The following CDYL variants were observed in gnomAD, a reference collection of about 807,000 sequenced individuals.
CDYL encodes chromodomain Y like, also known as chromodomain Y-like protein.
Under a neutral mutation model 47.3 loss-of-function variants are expected in CDYL, and 8 were observed. That is an observed-to-expected ratio of 0.17 (90% CI 0.10 to 0.31). CDYL has a LOEUF of 0.31. CDYL is among the 10% of genes least tolerant of loss of function. The pLI is 1.00. For synonymous variants in CDYL, 266 were observed against 265.0 expected (o/e 1.00, Z -0.04); for missense variants, 471 against 701.4 (o/e 0.67, Z 3.71).
At chr6:4,935,191 A>C (rs533882381) in intron 2 of CDYL, among the ~76,000 whole-genome samples, 4 of 152,334 alleles carry the variant, frequency 2.6e-5, no homozygotes, top group Non-Finnish European at 5.9e-5. Flanking sequence ...AACCTGGAAT[A>C]GATACTCTCC....
intron 5 of CDYL, among the ~76,000 whole-genome samples, chr6:4,945,701 C>T (rs1436189722): frequency 6.6e-6 from 1 of 152,258 alleles, no homozygotes; most frequent in Non-Finnish European, 1.5e-5. Flanking sequence ...AACGCTGCTG[C>T]CCACCATCAT....
At chr6:4,950,871 G>T (rs751181331) in intron 5 of CDYL, among the ~76,000 whole-genome samples, 4 of 150,654 alleles carry the variant, frequency 2.7e-5, no homozygotes, top group Non-Finnish European at 4.4e-5. Context: ...GGCGGAGCTT[G>T]CAGTGAGCCG....
chr6:4,857,599 G>A (rs555623053), intron 1 of CDYL, among the ~76,000 whole-genome samples: 8 of 152,274 alleles, frequency 5.3e-5, no homozygotes, highest in South Asian at 2.1e-4. Context: ...ATTTGTTGCC[G>A]GTTTGGTGTG....
intron 2 of CDYL, among the ~76,000 whole-genome samples, chr6:4,725,291 C>T (rs1316782679): frequency 6.6e-6 from 1 of 152,264 alleles, no homozygotes; most frequent in Non-Finnish European, 1.5e-5. Flanking sequence ...ACCGAGGGTG[C>T]AGGTGGAGCT....
intron 1 of CDYL, among the ~76,000 whole-genome samples, chr6:4,793,054 G>A (rs767689846): frequency 1.4e-4 from 22 of 152,092 alleles, no homozygotes; most frequent in Non-Finnish European, 2.2e-4. Flanking sequence ...GACTAGCATG[G>A]CTTTATGTAA....
chr6:4,871,755 C>T (rs73717738), intron 1 of CDYL, among the ~76,000 whole-genome samples: 2,078 of 152,272 alleles, frequency 0.014, 37 homozygotes, highest in African/African-American at 0.048. Context: ...AGAAGAAATA[C>T]AAAGGGGCGC....
chr6:4,711,275 CCA>C (rs1332617074), intron 1 of CDYL, among the ~76,000 whole-genome samples: 6 of 152,148 alleles, frequency 3.9e-5, no homozygotes, highest in Admixed American at 3.3e-4. Flanking sequence ...CCCTCTCCTG[CCA>C]CAGAGTAAAG....
rs143761531 is a variant in CDYL at position 4,767,538 on chromosome 6, A to T, written c.186+32694A>T. Reference sequence around the variant, plus strand: ...CAGTGAGCTGAGATTGTGCCACTGCACTCCAGCCTGGGTGACAGAGTAAGA... The same window carrying T: ...CAGTGAGCTGAGATTGTGCCACTGCTCTCCAGCCTGGGTGACAGAGTAAGA... On this transcript the variant is annotated intron_variant, in intron 3 of 8. Transcript: ENST00000328908. 3.1e-4 allele frequency among the ~76,000 whole-genome samples: 47 copies of T among 151,070 alleles called. No individual in the cohort carries two copies. The East Asian group carries it at 5.9e-3, about 19-fold the overall frequency.
intron 1 of CDYL, among the ~76,000 whole-genome samples, chr6:4,781,719 C>A (rs1758623526): frequency 6.6e-6 from 1 of 152,048 alleles, no homozygotes; most frequent in African/African-American, 2.4e-5. Context: ...TGATTTTAAC[C>A]ACGGAGAATA....
intron 1 of CDYL, among the ~76,000 whole-genome samples, chr6:4,798,930 C>A (rs1193345311): frequency 6.6e-6 from 1 of 152,154 alleles, no homozygotes; most frequent in African/African-American, 2.4e-5. Flanking sequence ...TAAAATGTTG[C>A]GTTCATTAGC....
intron 1 of CDYL, among the ~76,000 whole-genome samples, chr6:4,869,096 CTTA>C (rs529157897): frequency 2.4e-3 from 362 of 149,678 alleles, no homozygotes; most frequent in Non-Finnish European, 4.0e-3. Context: ...TCATTTCTTT[CTTA>C]TTTTTTTTTT....
intron 1 of CDYL, among the ~76,000 whole-genome samples, chr6:4,870,299 C>T (rs1322522939): frequency 1.3e-5 from 2 of 152,134 alleles, no homozygotes; most frequent in Non-Finnish European, 2.9e-5. Context: ...TGATTGTTTT[C>T]CCTTTGGTGC....
At chr6:4,799,198 G>A (rs11962926) in intron 1 of CDYL, among the ~76,000 whole-genome samples, 2 of 152,154 alleles carry the variant, frequency 1.3e-5, no homozygotes, top group African/African-American at 4.8e-5. Flanking sequence ...AGGTTAAATT[G>A]TGGATATTTG....
chr6:4,948,217 A>G (rs1039505348), intron 5 of CDYL, among the ~76,000 whole-genome samples: 1 of 152,176 alleles, frequency 6.6e-6, no homozygotes, highest in Non-Finnish European at 1.5e-5. Flanking sequence ...CTCCCACTGT[A>G]TGATCTATGT....
intron 1 of CDYL, among the ~76,000 whole-genome samples, chr6:4,712,568 A>T (rs202192923): frequency 1.3e-5 from 2 of 152,352 alleles, no homozygotes; most frequent in East Asian, 3.9e-4. Flanking sequence ...CACTTGTGAC[A>T]GGACAGCTGC....
chr6:4,821,385 C>T (rs556009424), intron 1 of CDYL, among the ~76,000 whole-genome samples: 1 of 140,790 alleles, frequency 7.1e-6, no homozygotes, highest in East Asian at 2.3e-4. Flanking sequence ...TCAAGTGATT[C>T]TCCTGCCTCA....
chr6:4,931,799 G>A (rs1427402034), intron 2 of CDYL, among the ~76,000 whole-genome samples: 1 of 152,164 alleles, frequency 6.6e-6, no homozygotes, highest in Admixed American at 6.5e-5. Flanking sequence ...CTGGCACGAG[G>A]AGCCAACACA....
chr6:4,777,884 G>C (rs1581160251), intron 1 of CDYL, among the ~76,000 whole-genome samples: 1 of 152,204 alleles, frequency 6.6e-6, no homozygotes, highest in African/African-American at 2.4e-5. Flanking sequence ...GTTTGCAGAA[G>C]TTCTCAGGAG....
chr6:4,924,882 A>T (rs1184984701), intron 2 of CDYL, among the ~76,000 whole-genome samples: 1 of 152,226 alleles, frequency 6.6e-6, no homozygotes, highest in East Asian at 1.9e-4. Context: ...GGACACATTA[A>T]CCTAATAGAA....
Sources: allele counts gnomAD v4.1 joint callset (sites outside exome capture counted in the v4.1 genomes callset), GRCh38; gene constraint gnomAD v4.1.1; transcripts MANE v1.5; gene names NCBI Gene and HGNC (gene_info 2026-07-23, HGNC 2026-07-21).